SLMAP: variants seen among roughly 807,000 people sequenced by gnomAD.
SLMAP encodes sarcolemma associated protein.
Under a neutral mutation model 128.8 loss-of-function variants are expected in SLMAP, and 44 were observed. The ratio of observed to expected loss-of-function variants is 0.34; its 90% CI spans 0.27 to 0.44. SLMAP has a LOEUF of 0.44. Among genes scored for constraint, SLMAP ranks in the 20% least tolerant of loss-of-function variants. The pLI, the probability that SLMAP is intolerant of heterozygous loss-of-function variation, is 1.00. For synonymous variants in SLMAP, 327 were observed against 348.8 expected (o/e 0.94, Z 0.70); for missense variants, 787 against 985.3 (o/e 0.80, Z 2.69).
rs530862924 is a variant in SLMAP at position 57,780,557 on chromosome 3, G to A, written c.198+22708G>A. Among the ~76,000 whole-genome samples the A allele has an allele frequency of 6.6e-5, 10 of 152,172 alleles. 1 individual carries two copies. Among genetic ancestry groups the A allele is most frequent in the Admixed American group, 5.9e-4 (9 of 15,292 alleles). On this transcript the variant is annotated intron_variant, in intron 2 of 24. Transcript: ENST00000671191. The stretch of plus-strand genomic sequence containing the variant: ...TAATCTTATATATCTTGATCTGGGT[G>A]GTAGTTACAAGGGTGTGTTCATCTG...
intron 14 of SLMAP, among the ~76,000 whole-genome samples, chr3:57,872,813 T>A (rs2095513215): frequency 6.6e-6 from 1 of 152,248 alleles, no homozygotes; most frequent in Non-Finnish European, 1.5e-5. Context: ...GGTAAAGATT[T>A]GTTGATAATG....
intron 13 of SLMAP, among the ~76,000 whole-genome samples, chr3:57,867,353 A>G (rs888855851): frequency 6.6e-6 from 1 of 152,098 alleles, no homozygotes; most frequent in African/African-American, 2.4e-5. Context: ...TTACTGATTC[A>G]TTTTTTTCCA....
chr3:57,793,931 A>G (rs373180340), intron 2 of SLMAP, among the ~76,000 whole-genome samples: 1 of 150,436 alleles, frequency 6.6e-6, no homozygotes, highest in South Asian at 2.1e-4. Flanking sequence ...GCTGGGTGTG[A>G]TGGTGTATTC....
chr3:57,797,465 CA>C (rs2087031545), intron 2 of SLMAP, among the ~76,000 whole-genome samples: 1 of 138,166 alleles, frequency 7.2e-6, no homozygotes, highest in South Asian at 2.2e-4. Context: ...GCCTGGGCAA[CA>C]AGAATGAAAC....
intron 23 of SLMAP, among the ~76,000 whole-genome samples, chr3:57,924,703 G>A (rs1366406481): frequency 6.6e-6 from 1 of 151,886 alleles, no homozygotes; most frequent in Non-Finnish European, 1.5e-5. Flanking sequence ...TATTACATGT[G>A]AAATCTCTTG....
chr3:57,863,797 G>A (rs745382631), intron 10 of SLMAP, among the ~76,000 whole-genome samples: 3 of 152,084 alleles, frequency 2.0e-5, no homozygotes, highest in Non-Finnish European at 2.9e-5. Flanking sequence ...CTTGGGGGAC[G>A]AACATCCAAA....
chr3:57,771,962 C>T (rs888767041), intron 2 of SLMAP, among the ~76,000 whole-genome samples: 2 of 152,144 alleles, frequency 1.3e-5, no homozygotes, highest in African/African-American at 2.4e-5. Context: ...AGAATCTAGT[C>T]AGTCAGTTAG....
chr3:57,815,318 A>G (rs1402112639), intron 2 of SLMAP, among the ~76,000 whole-genome samples: 2 of 152,112 alleles, frequency 1.3e-5, no homozygotes, highest in African/African-American at 4.8e-5. Flanking sequence ...ACCAATACCA[A>G]TACCAACTAT....
chr3:57,872,691 A>G (rs923853616), intron 14 of SLMAP, among the ~76,000 whole-genome samples: 6 of 152,256 alleles, frequency 3.9e-5, no homozygotes, highest in African/African-American at 1.4e-4. Flanking sequence ...AATTCTGAAC[A>G]AAGATGTCAT....
At chr3:57,771,464 C>G (rs191497055) in intron 2 of SLMAP, among the ~76,000 whole-genome samples, 1 of 152,220 alleles carries the variant, frequency 6.6e-6, no homozygotes, top group East Asian at 1.9e-4. Context: ...CTCCTGAGCT[C>G]AAGTAATCCC....
intron 2 of SLMAP, among the ~76,000 whole-genome samples, chr3:57,824,132 A>C (rs941117262): frequency 3.4e-4 from 52 of 152,230 alleles, no homozygotes; most frequent in African/African-American, 1.1e-3. Flanking sequence ...ATTATAAAAA[A>C]TATAATTCAG....
At chr3:57,850,391 G>C (rs976629370) in intron 6 of SLMAP, among the ~76,000 whole-genome samples, 1 of 152,082 alleles carries the variant, frequency 6.6e-6, no homozygotes, top group East Asian at 1.9e-4. Flanking sequence ...TCAAGTATGA[G>C]GAGGTTCCAA....
chr3:57,794,208 TAA>T (rs2086174803), intron 2 of SLMAP, among the ~76,000 whole-genome samples: 3 of 152,196 alleles, frequency 2.0e-5, no homozygotes, highest in African/African-American at 4.8e-5. Context: ...GTGTGCATTT[TAA>T]TAGAACTTTC....
chr3:57,880,815 C>T (rs899211133), intron 14 of SLMAP, among the ~76,000 whole-genome samples: 4 of 151,824 alleles, frequency 2.6e-5, no homozygotes, highest in Non-Finnish European at 5.9e-5. Context: ...AGCCCTGGAG[C>T]GGGAGGCTGC....
intron 13 of SLMAP, among the ~76,000 whole-genome samples, chr3:57,868,995 T>G (rs1304707735): frequency 1.4e-5 from 2 of 138,780 alleles, no homozygotes; most frequent in African/African-American, 5.3e-5. Context: ...ATTATATATG[T>G]GTATTATATA....
intron 10 of SLMAP, among the ~76,000 whole-genome samples, chr3:57,862,411 G>A (rs1166317894): frequency 2.6e-5 from 4 of 151,816 alleles, no homozygotes; most frequent in Admixed American, 1.3e-4. Flanking sequence ...AGGCCGAGGC[G>A]GGCAGATCAT....
intron 23 of SLMAP, among the ~76,000 whole-genome samples, chr3:57,924,473 G>A (rs11716608): frequency 0.14 from 21,555 of 151,438 alleles, 1,557 homozygotes; most frequent in African/African-American, 0.17. Context: ...GGTTCAAGCA[G>A]TTCTCCTGCC....
At chr3:57,879,327 A>G (rs2095672226) in intron 14 of SLMAP, among the ~76,000 whole-genome samples, 1 of 152,244 alleles carries the variant, frequency 6.6e-6, no homozygotes, top group Non-Finnish European at 1.5e-5. Context: ...AAATGCTTAG[A>G]TGATGGTACT....
At chr3:57,821,858 G>T (rs1331828939) in intron 2 of SLMAP, among the ~76,000 whole-genome samples, 2 of 151,696 alleles carry the variant, frequency 1.3e-5, no homozygotes, top group African/African-American at 4.8e-5. Context: ...CCTTTGTTTG[G>T]TTTTTGTTAC....
Sources: gnomAD v4.1 joint callset for allele counts (sites outside exome capture counted in the v4.1 genomes callset) on GRCh38, gnomAD v4.1.1 for gene constraint, MANE v1.5 for transcripts, NCBI Gene and HGNC (gene_info 2026-07-23, HGNC 2026-07-21) for gene names.